The following FAM169A variants were observed in gnomAD, a reference collection of about 807,000 sequenced individuals.
The protein encoded by FAM169A is soluble lamin-associated protein of 75 kDa.
FAM169A carries 24 observed loss-of-function variants against 75.7 expected under a neutral mutation model. That is an observed-to-expected ratio of 0.32 (90% CI 0.23 to 0.45). The LOEUF (loss-of-function observed/expected upper bound fraction) is 0.45. FAM169A is among the 20% of genes least tolerant of loss of function. The pLI is 1.00. For missense variants in FAM169A, 673 were observed against 784.0 expected (o/e 0.86, Z 1.69); for synonymous variants, 271 against 271.0 (o/e 1.00, Z 0.00).
chr5:74,816,372 T>C (rs1348717203), intron 5 of FAM169A, among the ~76,000 whole-genome samples: 1 of 152,220 alleles, frequency 6.6e-6, no homozygotes, highest in African/African-American at 2.4e-5. Flanking sequence ...TTCTCATAAA[T>C]TGATTTTTTT....
At chr5:74,866,625 C>CTCCGCCCCACCACTTTCATCCTAAACCT, upstream of FAM169A, 1 of 725,008 alleles carries the variant, frequency 1.4e-6, no homozygotes, top group Non-Finnish European at 1.7e-6. Context: ...CGTCACCCGG[C>CTCCGCCCCACCACTTTCATCCTAAACCT]AGCGCGACGC....
chr5:74,793,095 G>C (rs1350346005), intron 11 of FAM169A, among the ~76,000 whole-genome samples: 1 of 152,150 alleles, frequency 6.6e-6, no homozygotes, highest in East Asian at 1.9e-4. Flanking sequence ...GGGAGGCCGA[G>C]GTGGGTGGAT....
intron 5 of FAM169A, among the ~76,000 whole-genome samples, chr5:74,814,492 C>T (rs1358623221): frequency 6.6e-6 from 1 of 151,770 alleles, no homozygotes. Context: ...CTACATTTTT[C>T]CTAACGAGTA....
At position 74,781,659 on chromosome 5, in the gene FAM169A, G is replaced by A. The variant is rs377658529; in HGVS notation, c.1814C>T (p.Ala605Val). Residue 605 changes from alanine to valine, a missense_variant, in exon 13 of 13, where the codon GCA (alanine) becomes GTA (valine). By Grantham distance (64) the Ala-to-Val change is moderately conservative (BLOSUM62 0). Around this residue, in one of 3 missense-constraint regions of FAM169A, gnomAD observed 510 missense variants for 550.9 expected, o/e 0.93. Transcript: ENST00000687041. ...CTCCTCTGACTGATTCTTCTGTCCT[G>A]CATTCTGTGAAAATGGCACGTCTTC... is the stretch of plus-strand genomic sequence containing the variant. ...ELEDVPFSQN[A>V]GQKNQSEEQS... is the part of the protein sequence containing the mutation. 37 of 1,613,962 alleles carry A rather than the reference G, an allele frequency of 2.3e-5. No individual in the cohort carries two copies. The African/African-American group carries it at 4.7e-4, about 20-fold the overall frequency.
intron 10 of FAM169A, among the ~76,000 whole-genome samples, chr5:74,800,500 T>C (rs1746517327): frequency 6.6e-6 from 1 of 152,084 alleles, no homozygotes; most frequent in South Asian, 2.1e-4. Context: ...ATATAATCAC[T>C]AGAATAGTCT....
At chr5:74,784,450 T>C (rs140948467) in intron 11 of FAM169A, among the ~76,000 whole-genome samples, 1 of 128,000 alleles carries the variant, frequency 7.8e-6, no homozygotes, top group Non-Finnish European at 1.6e-5. Flanking sequence ...GAGGTAGCAG[T>C]GAGCCAGAGA....
chr5:74,866,368 C>G lies in FAM169A; in HGVS notation c.-207G>C. ...CGGGTCGGCCGCGGCCCACCGTGCC[C>G]TCCGACGACGTGACGCACTAGCGCC... On this transcript the variant is annotated 5_prime_UTR_variant, in exon 1 of 13. Coordinates refer to ENST00000687041, the MANE Select transcript of FAM169A (RefSeq NM_001376049.1). The G allele has an allele frequency of 1.0e-6, 1 of 984,522 alleles. No homozygotes were observed. Among genetic ancestry groups the G allele is most frequent in the Non-Finnish European group, 1.2e-6 (1 of 829,624 alleles). 61.0% of individuals were successfully genotyped at this position (984,522 alleles called of 1,614,324 possible).
At chr5:74,804,446 C>T (rs893249042) in intron 8 of FAM169A, 47 bp downstream of exon 8, 1 of 987,368 alleles carries the variant, frequency 1.0e-6, no homozygotes, top group Non-Finnish European at 1.4e-6. Flanking sequence ...TTTTTAAAAA[C>T]ACAAAAATTT....
chr5:74,826,245 C>T, intron 5 of FAM169A, among the ~76,000 whole-genome samples: 1 of 152,168 alleles, frequency 6.6e-6, no homozygotes, highest in East Asian at 1.9e-4. Flanking sequence ...ATTGTCTTCT[C>T]CTCCAAATCT....
chr5:74,843,428 G>C (rs916258775), intron 1 of FAM169A, among the ~76,000 whole-genome samples: 1 of 152,122 alleles, frequency 6.6e-6, no homozygotes, highest in Admixed American at 6.5e-5. Flanking sequence ...CCCTGTCGGA[G>C]ATTAAAACAT....
intron 1 of FAM169A, among the ~76,000 whole-genome samples, chr5:74,853,934 G>A (rs1158611928): frequency 2.7e-5 from 4 of 150,424 alleles, no homozygotes; most frequent in Non-Finnish European, 3.0e-5. Flanking sequence ...GTGTTTTAAA[G>A]CTGAAGTTAA....
At chr5:74,791,724 A>G (rs1745985381) in intron 11 of FAM169A, among the ~76,000 whole-genome samples, 1 of 152,226 alleles carries the variant, frequency 6.6e-6, no homozygotes, top group Admixed American at 6.5e-5. Context: ...CAATCCAGGC[A>G]AGACTACAAA....
chr5:74,831,534 A>T (rs1342667575), intron 5 of FAM169A, among the ~76,000 whole-genome samples: 2 of 152,040 alleles, frequency 1.3e-5, no homozygotes, highest in Non-Finnish European at 2.9e-5. Flanking sequence ...TTTTGGGGGG[A>T]ATGTTGGAAT....
rs60236324 is a variant in FAM169A, at chr5:74,824,708, T to TAC, written c.490+9716_490+9717dup. 1.7e-3 allele frequency among the ~76,000 whole-genome samples: 257 copies of TAC among 147,394 alleles called. 1 individual carries two copies. The highest frequency in any genetic ancestry group is 7.1e-3 in the Middle Eastern group (2 of 282). On this transcript the variant is annotated intron_variant, in intron 5 of 12. Transcript: ENST00000687041. ...TGACCACTTTCCTGATACACACACATACACACACACACACACACACATACA... is the reference window on the plus strand; with the variant it reads ...TGACCACTTTCCTGATACACACACATACACACACACACACACACACACATACA...
At position 74,783,045 on chromosome 5, in the gene FAM169A, T is replaced by C. The variant is rs1275405473; in HGVS notation, c.1350A>G (p.Glu450=). 6.2e-7 allele frequency: 1 copy of C among 1,613,824 alleles called. No individual in the cohort carries two copies. Among genetic ancestry groups the C allele is most frequent in the African/African-American group, 1.3e-5 (1 of 75,052 alleles). Reference sequence around the variant, plus strand: ...GCAATTTTAATTCTTCATCTAAAACTTCACTAGTGGAGTCTTCCTCTTCTG... The same window carrying C: ...GCAATTTTAATTCTTCATCTAAAACCTCACTAGTGGAGTCTTCCTCTTCTG... The part of the protein sequence containing the change: ...LITEEEDSTS[E]VLDEELKLQP... The change falls in exon 12 of 13, where the codon GAA becomes GAG. Residue 450 remains glutamate, a synonymous_variant. Transcript: ENST00000687041.
At chr5:74,842,111 T>TA (rs1748898206) in intron 1 of FAM169A, among the ~76,000 whole-genome samples, 1 of 146,464 alleles carries the variant, frequency 6.8e-6, no homozygotes. Flanking sequence ...CCTATAAATT[T>TA]CAAAAAAAAA....
At chr5:74,862,633 C>T (rs1386262605) in intron 1 of FAM169A, among the ~76,000 whole-genome samples, 1 of 152,210 alleles carries the variant, frequency 6.6e-6, no homozygotes, top group African/African-American at 2.4e-5. Flanking sequence ...TTCTAGATTA[C>T]TTTGCACATT....
chr5:74,833,337 C>T (rs1748412893), intron 5 of FAM169A, among the ~76,000 whole-genome samples: 1 of 152,150 alleles, frequency 6.6e-6, no homozygotes, highest in South Asian at 2.1e-4. Flanking sequence ...CCATTGAAAA[C>T]TCTTTCTCCT....
chr5:74,863,641 G>A (rs1033616551), intron 1 of FAM169A, among the ~76,000 whole-genome samples: 2 of 152,146 alleles, frequency 1.3e-5, no homozygotes, highest in Non-Finnish European at 2.9e-5. Flanking sequence ...TTAAAACGGA[G>A]TATTTAGGTA....
Sources: allele counts gnomAD v4.1 joint callset (sites outside exome capture counted in the v4.1 genomes callset), GRCh38; gene constraint gnomAD v4.1.1; regional missense constraint gnomAD v4.1.1; transcripts MANE v1.5; gene names NCBI Gene and HGNC (gene_info 2026-07-23, HGNC 2026-07-21).